Variants in CTNNA2 observed in about 807,000 individuals in gnomAD.
CTNNA2 encodes catenin alpha-2.
In CTNNA2, 42 loss-of-function variants were observed where a neutral mutation model predicts 101.0. The ratio of observed to expected loss-of-function variants is 0.42; its 90% CI spans 0.32 to 0.54. The LOEUF is 0.54. CTNNA2 is among the 20% of genes least tolerant of loss of function. CTNNA2 has a pLI of 0.14. For synonymous variants in CTNNA2, 450 were observed against 456.4 expected (o/e 0.99, Z 0.18); for missense variants, 871 against 1,223.1 (o/e 0.71, Z 4.29).
intron 3 of CTNNA2, among the ~76,000 whole-genome samples, chr2:79,757,326 C>T (rs1206276056): frequency 2.0e-5 from 3 of 152,188 alleles, no homozygotes; most frequent in Non-Finnish European, 2.9e-5. Context: ...AGAACAAACA[C>T]AGTGTGAGTG....
At chr2:80,319,793 G>T (rs1212960257) in intron 7 of CTNNA2, among the ~76,000 whole-genome samples, 4 of 152,170 alleles carry the variant, frequency 2.6e-5, no homozygotes, top group Non-Finnish European at 5.9e-5. Flanking sequence ...TGTCAGGAGG[G>T]TTAAAATAAG....
At chr2:79,609,736 G>C (rs1031847182) in intron 1 of CTNNA2, among the ~76,000 whole-genome samples, 4 of 152,026 alleles carry the variant, frequency 2.6e-5, no homozygotes, top group Admixed American at 2.0e-4. Context: ...CGGAACAGTT[G>C]TATATCCATA....
intron 7 of CTNNA2, among the ~76,000 whole-genome samples, chr2:80,251,234 C>A (rs545098368): frequency 6.6e-6 from 1 of 152,152 alleles, no homozygotes; most frequent in Admixed American, 6.5e-5. Context: ...CGTCCGGCAC[C>A]CGGCATGTTC....
intron 4 of CTNNA2, among the ~76,000 whole-genome samples, chr2:79,437,373 T>G (rs1457509173): frequency 6.6e-6 from 1 of 152,202 alleles, no homozygotes; most frequent in Non-Finnish European, 1.5e-5. Context: ...TGAGCCAGCC[T>G]GACACAAGGC....
At chr2:79,402,037 T>C (rs1227735927) in intron 4 of CTNNA2, among the ~76,000 whole-genome samples, 1 of 151,662 alleles carries the variant, frequency 6.6e-6, no homozygotes, top group African/African-American at 2.4e-5. Context: ...CAAAATATAC[T>C]TTAAGACAAA....
At chr2:79,342,818 G>A (rs184958503) in intron 3 of CTNNA2, among the ~76,000 whole-genome samples, 127 of 152,240 alleles carry the variant, frequency 8.3e-4, no homozygotes, top group Admixed American at 1.5e-3. Context: ...TTTACCATGT[G>A]CCTAAGGATG....
chr2:80,647,460 T>G (rs1451385672), intron 18 of CTNNA2, 125 bp from the exon 19 acceptor site: 2 of 815,570 alleles, frequency 2.5e-6, no homozygotes, highest in African/African-American at 3.4e-5. Flanking sequence ...GATAATTTGC[T>G]CCTTTTCAGC....
At chr2:79,358,361 G>C (rs372311409) in intron 3 of CTNNA2, among the ~76,000 whole-genome samples, 2 of 152,040 alleles carry the variant, frequency 1.3e-5, no homozygotes, top group South Asian at 4.2e-4. Flanking sequence ...CACCACACCT[G>C]GCTAATTCTT....
chr2:79,836,642 C>T (rs577847377), intron 3 of CTNNA2, among the ~76,000 whole-genome samples: 6 of 152,316 alleles, frequency 3.9e-5, no homozygotes, highest in East Asian at 1.9e-4. Context: ...CTTGCTTCTT[C>T]CTAGCTCCTG....
intron 1 of CTNNA2, among the ~76,000 whole-genome samples, chr2:79,527,722 A>C (rs2103911925): frequency 6.6e-6 from 1 of 152,272 alleles, no homozygotes; most frequent in South Asian, 2.1e-4. Flanking sequence ...GGGGGAATAT[A>C]AAATGATGCC....
chr2:79,633,326 G>A (rs1366493510), intron 1 of CTNNA2, among the ~76,000 whole-genome samples: 3 of 152,164 alleles, frequency 2.0e-5, no homozygotes, highest in Non-Finnish European at 4.4e-5. Flanking sequence ...AGGGGAGAAG[G>A]ACATGTCCAT....
At chr2:79,377,075 T>C (rs1322889114) in intron 4 of CTNNA2, among the ~76,000 whole-genome samples, 3 of 151,524 alleles carry the variant, frequency 2.0e-5, no homozygotes, top group Non-Finnish European at 2.9e-5. Flanking sequence ...ACTTCCACAA[T>C]GGTTGAACTA....
intron 4 of CTNNA2, among the ~76,000 whole-genome samples, chr2:79,485,962 T>C (rs1671153179): frequency 6.6e-6 from 1 of 152,168 alleles, no homozygotes; most frequent in African/African-American, 2.4e-5. Flanking sequence ...TGGATGACCA[T>C]CGTGTAAGTG....
chr2:79,351,480 T>G (rs1333217149), intron 3 of CTNNA2, among the ~76,000 whole-genome samples: 1 of 152,174 alleles, frequency 6.6e-6, no homozygotes, highest in Non-Finnish European at 1.5e-5. Flanking sequence ...GCATGTTTGT[T>G]GCATAGGTAT....
At chr2:79,593,880 GTTTTTTTTTTTT>G (rs945227300) in intron 1 of CTNNA2, among the ~76,000 whole-genome samples, 3 of 85,438 alleles carry the variant, frequency 3.5e-5, no homozygotes, top group African/African-American at 1.6e-4. Flanking sequence ...CTTTCTTTTA[GTTTTTTTTTTTT>G]TTTTTTTTTT....
At chr2:80,581,666 A>G in intron 13 of CTNNA2, 40 bp from the exon 14 acceptor site, 1 of 1,288,214 alleles carries the variant, frequency 7.8e-7, no homozygotes, top group Non-Finnish European at 1.1e-6. Context: ...GGTGAAGATT[A>G]TCAATTTAAG....
intron 2 of CTNNA2, among the ~76,000 whole-genome samples, chr2:79,671,532 G>A (rs1432844435): frequency 1.3e-5 from 2 of 152,212 alleles, no homozygotes; most frequent in African/African-American, 4.8e-5. Context: ...TCAGAAGAAA[G>A]CAGGGAATCA....
chr2:79,982,155 C>G (rs2103831306), intron 7 of CTNNA2, among the ~76,000 whole-genome samples: 1 of 138,718 alleles, frequency 7.2e-6, no homozygotes, highest in South Asian at 2.4e-4. Context: ...TCTCCCACCT[C>G]AGCCTCCAGA....
intron 3 of CTNNA2, among the ~76,000 whole-genome samples, chr2:79,802,132 G>A (rs112624598): frequency 0.019 from 2,857 of 152,146 alleles, 87 homozygotes; most frequent in African/African-American, 0.064. Flanking sequence ...CATCCTAGGA[G>A]AAATTGCATA....
Sources: gnomAD v4.1 joint callset for allele counts (sites outside exome capture counted in the v4.1 genomes callset) on GRCh38, gnomAD v4.1.1 for gene constraint, MANE v1.5 for transcripts, NCBI Gene and HGNC (gene_info 2026-07-23, HGNC 2026-07-21) for gene names.